FAT3: variants seen among roughly 807,000 people sequenced by gnomAD.
The protein encoded by FAT3 is FAT atypical cadherin 3.
A neutral mutation model predicts 310.2 loss-of-function variants in FAT3; 95 were observed. The ratio of observed to expected loss-of-function variants is 0.31; its 90% confidence interval spans 0.26 to 0.36. The LOEUF (loss-of-function observed/expected upper bound fraction) is 0.36, where lower values mean the gene tolerates loss of function less well. FAT3 is among the 10% of genes least tolerant of loss of function. The pLI is 1.00. For missense variants in FAT3, 5,408 were observed against 5,715.6 expected, an observed-to-expected ratio of 0.95 and a Z score of 1.74; for synonymous variants, 2,314 against 2,192.9, an observed-to-expected ratio of 1.06 and a Z score of -1.54.
At chr11:92,249,296 C>T (rs189426319) in intron 1 of FAT3, among the ~76,000 whole-genome samples, 77 of 152,064 alleles carry the variant, frequency 5.1e-4, no homozygotes, top group African/African-American at 1.8e-3. Context: ...ATAAGGCAGC[C>T]TGTGTTTGTG....
chr11:92,565,913 A>G (rs1384813049), intron 3 of FAT3, among the ~76,000 whole-genome samples: 4 of 152,056 alleles, frequency 2.6e-5, no homozygotes, highest in East Asian at 3.9e-4. Context: ...ATCTATGACA[A>G]AACCACAGCC....
chr11:92,569,319 C>A (rs1388893562), intron 3 of FAT3, among the ~76,000 whole-genome samples: 1 of 152,154 alleles, frequency 6.6e-6, no homozygotes, highest in East Asian at 1.9e-4. Flanking sequence ...GAAGTGCATG[C>A]AAAGCCCTCA....
At chr11:92,704,998 ACT>A (rs1045522982) in intron 4 of FAT3, among the ~76,000 whole-genome samples, 14 of 151,868 alleles carry the variant, frequency 9.2e-5, no homozygotes, top group African/African-American at 2.9e-4. Flanking sequence ...CCAAGTTAAA[ACT>A]CTCCACAGAA....
intron 1 of FAT3, among the ~76,000 whole-genome samples, chr11:92,327,208 C>T (rs1346091726): frequency 1.3e-5 from 2 of 152,020 alleles, no homozygotes; most frequent in Non-Finnish European, 1.5e-5. Context: ...TTAAAAGGCA[C>T]CTAGACTGAA....
rs138730831 is a variant in FAT3 at position 92,381,301 on chromosome 11, G to A, written c.3292+25897G>A. ...GAGGCAGGTGGATCACTTGAGGTCG[G>A]TCAGGAGTTTGAGTCTAGCCTAGCC... On this transcript the variant is annotated intron_variant, in intron 2 of 27. Coordinates refer to ENST00000525166, the MANE Select transcript of FAT3 (RefSeq NM_001367949.2). Among the ~76,000 whole-genome samples the A allele has an allele frequency of 3.2e-3, 486 of 152,302 alleles. 1 individual carries two copies. Among genetic ancestry groups the A allele is most frequent in the African/African-American group, 0.011 (458 of 41,574 alleles).
Position 92,524,826 on chromosome 11 carries a change from C to T in FAT3, c.3485C>T (p.Pro1162Leu), listed in dbSNP as rs769686976. 2 of 1,613,822 alleles carry T rather than the reference C, an allele frequency of 1.2e-6. No individual in the cohort carries two copies. The highest frequency in any genetic ancestry group is 1.7e-5 in the Admixed American group (1 of 59,964). The change falls in exon 3 of 28, where the codon CCA becomes CTA. Residue 1162 changes from proline to leucine, a missense_variant. By Grantham distance (98) the Pro-to-Leu change is moderately conservative. Around this residue, in one of 5 missense-constraint regions of FAT3, gnomAD observed 4,588 missense variants for 4,809.8 expected, o/e 0.95. Transcript: ENST00000525166. ...IYYPVVMENSPKDVSVIQIQA... is the reference protein window; with the variant it reads ...IYYPVVMENSLKDVSVIQIQA... ...TATCCTGTTGTCATGGAAAACTCTC[C>T]AAAGGACGTATCTGTCATTCAGATC...
chr11:92,553,173 C>A (rs610994), intron 3 of FAT3, among the ~76,000 whole-genome samples: 3 of 151,860 alleles, frequency 2.0e-5, no homozygotes, highest in Non-Finnish European at 4.4e-5. Context: ...AATAATGCTG[C>A]GAAAAATTAA....
rs751534854 is a variant in FAT3 at position 92,844,192 on chromosome 11, G to A, written c.10825G>A (p.Gly3609Arg). 3.7e-6 allele frequency: 6 copies of A among 1,614,028 alleles called. No homozygotes were observed. Among genetic ancestry groups the A allele is most frequent in the Non-Finnish European group, 4.2e-6 (5 of 1,179,898 alleles). The change falls in exon 19 of 28, where the codon GGA (glycine) becomes AGA (arginine). Residue 3609 changes from glycine to arginine, a missense_variant. By Grantham distance (125) the Gly-to-Arg change is moderately radical (BLOSUM62 -2). Coordinates refer to ENST00000525166, the MANE Select transcript of FAT3 (RefSeq NM_001367949.2). ...TCACGATGGGAAAATCATCGCCCTG[G>A]GAGGCCTGGACAGCGGCAAGTATGT... ...NSHDGKIIAL[G>R]GLDSGKYVLN...
rs375643125 is a variant in FAT3 at position 92,732,087 on chromosome 11, TA to T, written c.3670-29768del. ...TGGTTTTATTTTTGCCCTTGGGGGA[TA>T]TTTTTTTATTCATTAAATTTACTAA... is the stretch of plus-strand genomic sequence containing the variant. On this transcript the variant is annotated intron_variant, in intron 4 of 27. Coordinates refer to ENST00000525166, the MANE Select transcript of FAT3 (RefSeq NM_001367949.2). Among the ~76,000 whole-genome samples, 581 of 152,326 alleles carry T rather than the reference TA, an allele frequency of 3.8e-3. 1 individual carries two copies. Among genetic ancestry groups the T allele is most frequent in the African/African-American group, 0.01 (419 of 41,570 alleles).
At chr11:92,276,736 A>G (rs773798683) in intron 1 of FAT3, among the ~76,000 whole-genome samples, 6 of 152,288 alleles carry the variant, frequency 3.9e-5, no homozygotes, top group Admixed American at 1.3e-4. Context: ...TACTTAGATC[A>G]CAGCTGAGTT....
chr11:92,654,193 C>CA (rs1353568666), intron 3 of FAT3, among the ~76,000 whole-genome samples: 3 of 152,154 alleles, frequency 2.0e-5, no homozygotes, highest in African/African-American at 7.2e-5. Context: ...CTCAGAATCC[C>CA]AACCCACCTT....
chr11:92,357,173 A>G (rs768179622), intron 2 of FAT3, among the ~76,000 whole-genome samples: 1 of 152,222 alleles, frequency 6.6e-6, no homozygotes, highest in Non-Finnish European at 1.5e-5. Context: ...AATAACAATG[A>G]GTTCATCGAG....
chr11:92,577,389 T>A (rs1353235422), intron 3 of FAT3, among the ~76,000 whole-genome samples: 1 of 152,108 alleles, frequency 6.6e-6, no homozygotes, highest in East Asian at 1.9e-4. Context: ...ATCACAGGTA[T>A]GAGCCACCAC....
At chr11:92,820,325 A>T (rs1565624142) in intron 13 of FAT3, among the ~76,000 whole-genome samples, 2 of 152,020 alleles carry the variant, frequency 1.3e-5, no homozygotes, top group Non-Finnish European at 2.9e-5. Flanking sequence ...ATGTAGAGAG[A>T]TCTGTCTTTC....
chr11:92,758,211 T>C (rs559360142), intron 4 of FAT3, among the ~76,000 whole-genome samples: 1 of 152,332 alleles, frequency 6.6e-6, no homozygotes, highest in South Asian at 2.1e-4. Flanking sequence ...GACAGTTCTC[T>C]TGACCTCAAA....
At chr11:92,500,952 C>G (rs1000537617) in intron 2 of FAT3, among the ~76,000 whole-genome samples, 3 of 151,984 alleles carry the variant, frequency 2.0e-5, no homozygotes, top group African/African-American at 4.8e-5. Flanking sequence ...TAATCTTTTT[C>G]AACATTAAAT....
chr11:92,705,498 GTGA>G (rs1944267213), intron 4 of FAT3, among the ~76,000 whole-genome samples: 1 of 39,158 alleles, frequency 2.6e-5, no homozygotes, highest in African/African-American at 9.1e-5. Flanking sequence ...GATGGTGGTG[GTGA>G]TGGTGGTGGT....
At chr11:92,334,753 G>A (rs1326030603) in intron 1 of FAT3, among the ~76,000 whole-genome samples, 2 of 152,048 alleles carry the variant, frequency 1.3e-5, no homozygotes, top group Non-Finnish European at 2.9e-5. Flanking sequence ...AAAGATAGCT[G>A]CCTCAATTAT....
intron 2 of FAT3, among the ~76,000 whole-genome samples, chr11:92,391,229 A>G (rs1432018666): frequency 6.6e-6 from 1 of 152,150 alleles, no homozygotes; most frequent in African/African-American, 2.4e-5. Context: ...ATGTTTGATA[A>G]TGCCAGAGCC....
Sources: gnomAD v4.1 joint callset for allele counts (sites outside exome capture counted in the v4.1 genomes callset) on GRCh38, gnomAD v4.1.1 for gene constraint, gnomAD v4.1.1 regional missense constraint, MANE v1.5 for transcripts, NCBI Gene and HGNC (gene_info 2026-07-23, HGNC 2026-07-21) for gene names.